WDR37: variants seen among roughly 807,000 people sequenced by gnomAD.
The protein encoded by WDR37 is WD repeat domain 37.
WDR37 carries 19 observed loss-of-function variants against 62.9 expected under a neutral mutation model. The observed-to-expected ratio is 0.30, with a 90% CI of 0.21 to 0.44. The LOEUF (loss-of-function observed/expected upper bound fraction) is 0.44. Ranked by LOEUF, WDR37 falls within the 20% of genes least tolerant of loss-of-function variation. The pLI, the probability that WDR37 is intolerant of heterozygous loss-of-function variation, is 1.00. For missense variants in WDR37, 474 were observed against 657.6 expected, an observed-to-expected ratio of 0.72 and a Z score of 3.05; for synonymous variants, 250 against 260.9, an observed-to-expected ratio of 0.96 and a Z score of 0.40.
intron 5 of WDR37, among the ~76,000 whole-genome samples, chr10:1,081,403 T>C (rs1321303688): frequency 6.6e-6 from 1 of 152,232 alleles, no homozygotes; most frequent in Non-Finnish European, 1.5e-5. Context: ...GCTATGATGG[T>C]GTAAGTAGTT....
chr10:1,093,559 T>A, intron 8 of WDR37, 63 bp downstream of exon 8: 1 of 1,307,080 alleles, frequency 7.7e-7, no homozygotes, highest in Non-Finnish European at 1.1e-6. Flanking sequence ...CTATAAATAT[T>A]CCTTTCTTAT....
At chr10:1,126,283 G>A (rs1478770866) in intron 13 of WDR37, among the ~76,000 whole-genome samples, 4 of 151,852 alleles carry the variant, frequency 2.6e-5, no homozygotes, top group African/African-American at 7.3e-5. Flanking sequence ...GCGGGCGTCT[G>A]TAGTCCCAGC....
chr10:1,129,284 G>T lies in WDR37; in HGVS notation c.1425G>T (p.Gly475=). 6.2e-7 allele frequency: 1 copy of T among 1,614,106 alleles called. No individual in the cohort carries two copies. Among genetic ancestry groups the T allele is most frequent in the Non-Finnish European group, 8.5e-7 (1 of 1,180,028 alleles). ...CCGTGTGCAATCTGTTCACCTGTGG[G>T]TTTGACCGGCAAGCCATTGGTTGGA... ...DHPVCNLFTC[G]FDRQAIGWNI... The change falls in exon 14 of 14, where the codon GGG becomes GGT. Residue 475 remains glycine, a synonymous_variant. Coordinates refer to ENST00000263150, the MANE Select transcript of WDR37 (RefSeq NM_014023.4).
chr10:1,112,049 G>GGC (rs1835234551), intron 11 of WDR37, among the ~76,000 whole-genome samples: 1 of 152,100 alleles, frequency 6.6e-6, no homozygotes, highest in South Asian at 2.1e-4. Context: ...CTGCAGGCAC[G>GGC]TGCCTTGGTG....
In WDR37 at chr10:1,103,699, C is replaced by T. The variant is rs780077452; in HGVS notation, c.824C>T (p.Thr275Ile). The change falls in exon 10 of 14, where the codon ACA becomes ATA. Residue 275 changes from threonine to isoleucine, a missense_variant. Physicochemically the swap from Thr to Ile is moderately conservative, Grantham distance 89 (BLOSUM62 -1). Coordinates refer to ENST00000263150, the MANE Select transcript of WDR37 (RefSeq NM_014023.4). This position sits in a 1 kb window ranked among gnomAD's most constrained non-coding sequence, Gnocchi z 6.3. The part of the protein sequence containing the change: ...SDCPTIRVPL[T>I]SLKSHQGVVI... ...TGCCCCACCATCCGCGTCCCACTGA[C>T]ATCCCTCAAGAGCCACCAGGGCGTG... The T allele has an allele frequency of 1.2e-6, 2 of 1,614,252 alleles. No homozygotes were observed. The highest frequency in any genetic ancestry group is 2.2e-5 in the South Asian group (2 of 91,086).
chr10:1,109,409 A>C (rs1443438564), intron 11 of WDR37, among the ~76,000 whole-genome samples: 2 of 152,250 alleles, frequency 1.3e-5, no homozygotes, highest in African/African-American at 4.8e-5. Context: ...TGTGAAGTGA[A>C]GTCAGTGCTG....
chr10:1,066,326 T>A (rs7079564), intron 1 of WDR37, among the ~76,000 whole-genome samples: 1 of 151,966 alleles, frequency 6.6e-6, no homozygotes, highest in African/African-American at 2.4e-5. Flanking sequence ...CCGTGTTAGC[T>A]AGGATGGTCT....
chr10:1,079,876 A>C (rs1174826888), intron 3 of WDR37, 135 bp from the exon 4 acceptor site: 2 of 664,902 alleles, frequency 3.0e-6, no homozygotes, highest in Non-Finnish European at 5.0e-6. Context: ...GATCTTGCTT[A>C]TTAGAATATT....
chr10:1,084,091 GGGA>G (rs1834115895), intron 5 of WDR37, among the ~76,000 whole-genome samples: 1 of 152,178 alleles, frequency 6.6e-6, no homozygotes, highest in Admixed American at 6.5e-5. Flanking sequence ...TTGGGTTTGG[GGGA>G]GAGGACCTGA....
chr10:1,062,843 T>G (rs1473548201), intron 1 of WDR37, among the ~76,000 whole-genome samples: 1 of 152,076 alleles, frequency 6.6e-6, no homozygotes, highest in African/African-American at 2.4e-5. Context: ...ATCCAAGCAC[T>G]TTGGGAGGCT....
Position 1,062,279 on chromosome 10 carries a change from C to G in WDR37, c.-41+5311C>G, listed in dbSNP as rs113913136. Among the ~76,000 whole-genome samples, 1,075 of 152,240 alleles carry G rather than the reference C, an allele frequency of 7.1e-3. 9 individuals are homozygous for G. Among genetic ancestry groups the G allele is most frequent in the African/African-American group, 0.024 (988 of 41,552 alleles). ...TTTGTGAAGTGGCGAAGAAAGCAAG[C>G]TAAACCAAAGAGAACACCATGCAAC... is the stretch of plus-strand genomic sequence containing the variant. On this transcript the variant is annotated intron_variant, in intron 1 of 13. Coordinates refer to ENST00000263150, the MANE Select transcript of WDR37 (RefSeq NM_014023.4).
intron 9 of WDR37, among the ~76,000 whole-genome samples, chr10:1,096,975 TAGA>T (rs1834605029): frequency 6.6e-6 from 1 of 152,164 alleles, no homozygotes; most frequent in Admixed American, 6.5e-5. Context: ...TGCTGAGGCT[TAGA>T]GGAGGCGAGG....
intron 7 of WDR37, among the ~76,000 whole-genome samples, chr10:1,089,836 T>C (rs531338992): frequency 1.8e-4 from 27 of 152,364 alleles, no homozygotes; most frequent in African/African-American, 6.0e-4. Context: ...TGTTCCTGTT[T>C]CTTCCAGGAT....
At chr10:1,062,576 G>T (rs549401620) in intron 1 of WDR37, among the ~76,000 whole-genome samples, 1 of 152,114 alleles carries the variant, frequency 6.6e-6, no homozygotes, top group Non-Finnish European at 1.5e-5. Flanking sequence ...TTTTGATGTG[G>T]TTTCTTTTTT....
intron 5 of WDR37, among the ~76,000 whole-genome samples, chr10:1,083,076 A>G (rs978911922): frequency 3.9e-5 from 6 of 152,170 alleles, no homozygotes; most frequent in Non-Finnish European, 8.8e-5. Flanking sequence ...TTATGGTGGG[A>G]GGTTGTGTGT....
chr10:1,111,447 G>C (rs1353433332), intron 11 of WDR37, among the ~76,000 whole-genome samples: 1 of 151,778 alleles, frequency 6.6e-6, no homozygotes, highest in Non-Finnish European at 1.5e-5. Flanking sequence ...GTGCCTTTTT[G>C]AAAGACTGGA....
At chr10:1,126,101 C>T (rs1275971415) in intron 13 of WDR37, among the ~76,000 whole-genome samples, 2 of 152,180 alleles carry the variant, frequency 1.3e-5, no homozygotes, top group African/African-American at 4.8e-5. Context: ...AGCTGCGATG[C>T]ACAGAAACTC....
At chr10:1,074,282 G>C (rs976969255) in intron 2 of WDR37, 1 of 1,180,904 alleles carries the variant, frequency 8.5e-7, no homozygotes, top group Middle Eastern at 3.6e-4. Context: ...CCTGCCTGGG[G>C]TGAAAGTGTT....
Position 1,120,897 on chromosome 10 carries a change from A to G in WDR37, c.1104-3321A>G, listed in dbSNP as rs368422486. Among the ~76,000 whole-genome samples the G allele has an allele frequency of 3.9e-5, 6 of 152,338 alleles. No homozygotes were observed. The South Asian group carries it at 6.2e-4, about 16-fold the overall frequency. On this transcript the variant is annotated intron_variant, in intron 11 of 13. Coordinates refer to ENST00000263150, the MANE Select transcript of WDR37 (RefSeq NM_014023.4). ...AGCTGTTCATCCTAATGAGGATGCC[A>G]GCTTCGCGGCGTTTCCGCTGATGGA...
Sources: allele counts gnomAD v4.1 joint callset (sites outside exome capture counted in the v4.1 genomes callset), GRCh38; gene constraint gnomAD v4.1.1; non-coding constraint Gnocchi (gnomAD v3.1); transcripts MANE v1.5; gene names NCBI Gene and HGNC (gene_info 2026-07-23, HGNC 2026-07-21).